Variants in BEST3 observed in about 807,000 individuals in gnomAD.
The protein encoded by BEST3 is bestrophin-3.
BEST3 carries 50 observed loss-of-function variants against 47.1 expected under a neutral mutation model. The observed-to-expected ratio is 1.06, with a 90% confidence interval of 0.85 to 1.34. The LOEUF is 1.34. BEST3 is among the 40% of genes most tolerant of loss of function. The pLI is 0.00. For missense variants in BEST3, 765 were observed against 817.0 expected, an observed-to-expected ratio of 0.94 and a Z score of 0.78; for synonymous variants, 282 against 298.8, an observed-to-expected ratio of 0.94 and a Z score of 0.58.
intron 9 of BEST3, among the ~76,000 whole-genome samples, chr12:69,646,650 A>T (rs1883046285): frequency 6.6e-6 from 1 of 152,168 alleles, no homozygotes; most frequent in African/African-American, 2.4e-5. Context: ...TTCCCTGCAG[A>T]GCATCAGGGG....
intron 9 of BEST3, among the ~76,000 whole-genome samples, chr12:69,662,121 C>T (rs374598636): frequency 2.6e-5 from 4 of 152,290 alleles, no homozygotes; most frequent in African/African-American, 9.6e-5. Context: ...CCTCACATCA[C>T]AGTATGAAAG....
chr12:69,655,826 A>G lies in BEST3; in HGVS notation c.1101-13T>C, dbSNP rs774186013. 3.1e-5 allele frequency: 50 copies of G among 1,594,450 alleles called. 1 individual carries two copies. In the Middle Eastern group the frequency reaches 5.0e-4, roughly 16 times the overall value. ...GGACCCAGACAGCCTGAAACACACA[A>G]TGACAAGATCCAGGCAGAGTAGCTT... On this transcript the variant is annotated splice_polypyrimidine_tract_variant and intron_variant, in intron 9 of 9. Transcript: ENST00000330891.
chr12:69,664,119 CT>C (rs990352201), intron 9 of BEST3, among the ~76,000 whole-genome samples: 5 of 152,064 alleles, frequency 3.3e-5, no homozygotes, highest in South Asian at 2.1e-4. Context: ...TTTAACTGGC[CT>C]TTTTTCATTT....
downstream of BEST3, among the ~76,000 whole-genome samples, chr12:69,652,275 A>C (rs761831165): frequency 3.9e-5 from 6 of 152,210 alleles, no homozygotes; most frequent in Non-Finnish European, 7.3e-5. Flanking sequence ...GCAAACTCAA[A>C]AGATTAAGCC....
chr12:69,644,436 TAGG>T (rs1337956739), intron 9 of BEST3, among the ~76,000 whole-genome samples: 2 of 152,178 alleles, frequency 1.3e-5, no homozygotes, highest in Non-Finnish European at 2.9e-5. Flanking sequence ...TTATTTGAAA[TAGG>T]GGGAGGAGGA....
At chr12:69,664,316 G>A (rs189119036) in intron 9 of BEST3, among the ~76,000 whole-genome samples, 19 of 152,290 alleles carry the variant, frequency 1.2e-4, no homozygotes, top group African/African-American at 4.6e-4. Context: ...ACGATGACTA[G>A]ATGAAGCAAG....
intron 3 of BEST3, 56 bp from the exon 4 acceptor site, chr12:69,693,963 A>T: frequency 7.6e-7 from 1 of 1,312,772 alleles, no homozygotes; most frequent in Admixed American, 2.2e-5. Context: ...CGTTGGTGAC[A>T]CTGATGCTTT....
In BEST3 at chr12:69,654,913, G is replaced by T; in HGVS notation, c.2001C>A (p.Pro667=). ...IELNKETEES[P]K is the part of the protein sequence containing the mutation. ...TCCTAGAACTTGGTGGCACTCATTT[G>T]GGTGATTCCTCAGTTTCCTTGTTCA... Residue 667 remains proline, a synonymous_variant, in exon 10 of 10, where the codon CCC becomes CCA. Coordinates refer to ENST00000330891, the MANE Select transcript of BEST3 (RefSeq NM_032735.3). 1.2e-6 allele frequency: 2 copies of T among 1,609,326 alleles called. No homozygotes were observed. The highest frequency in any genetic ancestry group is 1.7e-6 in the Non-Finnish European group (2 of 1,176,938).
chr12:69,675,824 C>T (rs1002193351), intron 7 of BEST3, among the ~76,000 whole-genome samples: 2 of 151,978 alleles, frequency 1.3e-5, no homozygotes, highest in African/African-American at 4.8e-5. Flanking sequence ...AAGAGTCAAA[C>T]CAATGAAAGG....
At chr12:69,690,105 C>T (rs546129211) in intron 4 of BEST3, among the ~76,000 whole-genome samples, 6 of 152,264 alleles carry the variant, frequency 3.9e-5, no homozygotes, top group East Asian at 3.9e-4. Context: ...GAGGGACTGA[C>T]GTGGGTGGGA....
chr12:69,658,717 G>A (rs903702458), intron 9 of BEST3, among the ~76,000 whole-genome samples: 1 of 152,230 alleles, frequency 6.6e-6, no homozygotes, highest in Non-Finnish European at 1.5e-5. Context: ...AAAAGGGACA[G>A]AGCATTCCAG....
chr12:69,673,137 C>T (rs954449725), intron 7 of BEST3, among the ~76,000 whole-genome samples, 172 bp from the exon 8 acceptor site: 5 of 152,196 alleles, frequency 3.3e-5, no homozygotes, highest in African/African-American at 4.8e-5. Context: ...AGACATGATT[C>T]TCAAACCATG....
At chr12:69,682,096 A>AAAG (rs1565837079) in intron 4 of BEST3, among the ~76,000 whole-genome samples, 2 of 151,522 alleles carry the variant, frequency 1.3e-5, no homozygotes, top group Admixed American at 6.6e-5. Flanking sequence ...AAAAAAAAAA[A>AAAG]AAGAAGAAAA....
chr12:69,648,716 A>G (rs1006842370), downstream of BEST3, among the ~76,000 whole-genome samples: 2 of 152,208 alleles, frequency 1.3e-5, no homozygotes, highest in African/African-American at 4.8e-5. Context: ...AACTGGTGAC[A>G]TCATCCAGGA....
chr12:69,664,258 T>C (rs1271932265), intron 9 of BEST3, among the ~76,000 whole-genome samples: 1 of 152,208 alleles, frequency 6.6e-6, no homozygotes, highest in Non-Finnish European at 1.5e-5. Context: ...TGGTCCCAGA[T>C]TAGACAGAGA....
Position 69,655,142 on chromosome 12 carries a change from C to T in BEST3, c.1772G>A (p.Ser591Asn), listed in dbSNP as rs774748451. ...GCTGGACCCCAGGAATCCCGGAAGA[C>T]TCCACCTTTTTAGAAAGGTATCACC... ...DPGDTFLKRW[S>N]LPGFLGSSHT... The change falls in exon 10 of 10, where the codon AGT (serine) becomes AAT (asparagine). Residue 591 changes from serine to asparagine, a missense_variant. Physicochemically the swap from Ser to Asn is conservative, Grantham distance 46 (BLOSUM62 1). Transcript: ENST00000330891. The T allele has an allele frequency of 1.2e-5, 19 of 1,614,016 alleles. No homozygotes were observed. The highest frequency in any genetic ancestry group is 2.5e-6 in the Non-Finnish European group (3 of 1,180,020).
chr12:69,663,042 C>G (rs558776200), intron 9 of BEST3, among the ~76,000 whole-genome samples: 26 of 152,274 alleles, frequency 1.7e-4, no homozygotes, highest in Non-Finnish European at 2.9e-4. Flanking sequence ...GGATTATCTT[C>G]TTTACTGTTG....
At position 69,697,647 on chromosome 12, in the gene BEST3, C is replaced by T; in HGVS notation, c.152G>A (p.Arg51Lys). ...VLYTAISLVY[R>K]LLLTGVQKRY... ...TAAGGAGACATGTAAAGAAAAGTAC[C>T]TGTATACCAAACTTATTGCTGTATA... The change falls in exon 2 of 10, where the codon AGA (arginine) becomes AAA (lysine). Residue 51 changes from arginine to lysine, a missense_variant and splice_region_variant. Physicochemically the swap from Arg to Lys is conservative, Grantham distance 26. Coordinates refer to ENST00000330891, the MANE Select transcript of BEST3 (RefSeq NM_032735.3). The T allele has an allele frequency of 6.3e-7, 1 of 1,580,072 alleles. No individual in the cohort carries two copies. Among genetic ancestry groups the T allele is most frequent in the Non-Finnish European group, 8.6e-7 (1 of 1,164,302 alleles).
intron 4 of BEST3, chr12:69,689,357 G>T: frequency 1.6e-6 from 1 of 636,036 alleles, no homozygotes; most frequent in Non-Finnish European, 2.0e-6. Context: ...AGGAAGACAG[G>T]CCTCCGAAGC....
Sources: gnomAD v4.1 joint callset for allele counts (sites outside exome capture counted in the v4.1 genomes callset) on GRCh38, gnomAD v4.1.1 for gene constraint, MANE v1.5 for transcripts, NCBI Gene and HGNC (gene_info 2026-07-23, HGNC 2026-07-21) for gene names.